Variants in AKIRIN1 observed in about 807,000 individuals in gnomAD.
The protein encoded by AKIRIN1 is akirin 1, also known as akirin-1.
Under a neutral mutation model 25.9 loss-of-function variants are expected in AKIRIN1, and 4 were observed. That is an observed-to-expected ratio of 0.15 (90% CI 0.08 to 0.35). The LOEUF is 0.35. AKIRIN1 is among the 10% of genes least tolerant of loss of function. The probability of loss-of-function intolerance (pLI) is 1.00; values close to 1 mark genes in which losing one functional copy is unlikely to be tolerated. For missense variants in AKIRIN1, 243 were observed against 266.1 expected (o/e 0.91, Z 0.61); for synonymous variants, 125 against 105.1 (o/e 1.19, Z -1.16).
In AKIRIN1 at chr1:39,005,016, A is replaced by G. The variant is rs1225183477; in HGVS notation, c.*961A>G. ...ACCTTTGTATTAGTTATTAAAAAATATAATTTGGGCTGGGCGCAGTGGCTC... is the reference window on the plus strand; with the variant it reads ...ACCTTTGTATTAGTTATTAAAAAATGTAATTTGGGCTGGGCGCAGTGGCTC... On this transcript the variant is annotated 3_prime_UTR_variant, in exon 5 of 5. Transcript: ENST00000432648. 6.6e-6 allele frequency: 1 copy of G among 152,348 alleles called. No homozygotes were observed. The highest frequency in any genetic ancestry group is 1.5e-5 in the Non-Finnish European group (1 of 68,146). 9.4% of individuals were successfully genotyped at this position (152,348 alleles called of 1,614,324 possible).
At position 39,005,285 on chromosome 1, in the gene AKIRIN1, G is replaced by A. The variant is rs1475527851; in HGVS notation, c.*1230G>A. Reference sequence around the variant, plus strand: ...ATCATGCCACTGCACTCCAGCCTGGGCAACAAAACGAGACTTCGTCTCAAA... The same window carrying A: ...ATCATGCCACTGCACTCCAGCCTGGACAACAAAACGAGACTTCGTCTCAAA... On this transcript the variant is annotated 3_prime_UTR_variant, in exon 5 of 5. Transcript: ENST00000432648. 1 of 143,650 alleles carries A rather than the reference G, an allele frequency of 7.0e-6. No homozygotes were observed. The highest frequency in any genetic ancestry group is 1.5e-5 in the Non-Finnish European group (1 of 66,194). 8.9% of individuals were successfully genotyped at this position (143,650 alleles called of 1,614,324 possible).
At chr1:38,992,447 T>C (rs1412232552) in intron 1 of AKIRIN1, among the ~76,000 whole-genome samples, 1 of 152,170 alleles carries the variant, frequency 6.6e-6, no homozygotes, top group Admixed American at 6.5e-5. Flanking sequence ...AATAATGGAT[T>C]TGGGCAAGTC....
chr1:38,991,513 C>A lies in AKIRIN1; in HGVS notation c.133C>A (p.Pro45Thr). The A allele has an allele frequency of 6.9e-7, 1 of 1,450,144 alleles. No individual in the cohort carries two copies. The highest frequency in any genetic ancestry group is 9.0e-7 in the Non-Finnish European group (1 of 1,105,588). The allele number at this position is 1,450,144 out of a possible 1,614,324, so 89.8% of individuals were successfully genotyped here. A position where few individuals can be genotyped will look rare whatever the true frequency, so the allele number is the denominator to read the frequency against. The part of the protein sequence containing the change: ...TPGLRPPDAE[P>T]PPPFQTQTPP... ...GGGCCTCAGGCCCCCGGACGCCGAGCCGCCGCCGCCGTTTCAGACGCAGAC... is the reference window on the plus strand; with the variant it reads ...GGGCCTCAGGCCCCCGGACGCCGAGACGCCGCCGCCGTTTCAGACGCAGAC... Residue 45 changes from proline to threonine, a missense_variant, in exon 1 of 5, where the codon CCG (proline) becomes ACG (threonine). Physicochemically the swap from Pro to Thr is conservative, Grantham distance 38. This residue lies in a region of AKIRIN1 where 190 missense variants were observed against 174.4 expected (regional missense o/e 1.09). Transcript: ENST00000432648.
intron 3 of AKIRIN1, among the ~76,000 whole-genome samples, chr1:39,002,092 C>T (rs1210064433): frequency 1.3e-5 from 2 of 152,150 alleles, no homozygotes; most frequent in Middle Eastern, 3.2e-3. Context: ...CCACATTAAA[C>T]CACAGTACTC....
Position 38,991,372 on chromosome 1 carries a change from C to T in AKIRIN1, c.-9C>T, listed in dbSNP as rs1643903592. On this transcript the variant is annotated 5_prime_UTR_variant, in exon 1 of 5. Coordinates refer to ENST00000432648, the MANE Select transcript of AKIRIN1 (RefSeq NM_024595.3). ...CGCGTCCGCTCCCGGTCCCTGGCCC[C>T]TCAGCGGCATGGCGTGCGGGGCGAC... 2 of 1,338,772 alleles carry T rather than the reference C, an allele frequency of 1.5e-6. No individual in the cohort carries two copies. The highest frequency in any genetic ancestry group is 9.5e-7 in the Non-Finnish European group (1 of 1,047,530). The allele number at this position is 1,338,772 out of a possible 1,614,324, so 82.9% of individuals were successfully genotyped here. A position where few individuals can be genotyped will look rare whatever the true frequency, so the allele number is the denominator to read the frequency against.
chr1:38,999,845 T>TTTTTG (rs1390699159), intron 2 of AKIRIN1, among the ~76,000 whole-genome samples: 1 of 151,420 alleles, frequency 6.6e-6, no homozygotes, highest in Non-Finnish European at 1.5e-5. Context: ...TGCCCATGTT[T>TTTTTG]TTTTGTTTTG....
intron 3 of AKIRIN1, 148 bp from the exon 4 acceptor site, chr1:39,003,199 G>C (rs1644007861): frequency 1.4e-6 from 1 of 730,158 alleles, no homozygotes; most frequent in African/African-American, 1.8e-5. Flanking sequence ...CTTTATATAA[G>C]GTCACTGGAC....
chr1:38,993,325 G>A (rs1643922966), intron 1 of AKIRIN1, among the ~76,000 whole-genome samples: 1 of 151,916 alleles, frequency 6.6e-6, no homozygotes, highest in Non-Finnish European at 1.5e-5. Context: ...ATGGTGGGTG[G>A]ATCAAGAGAC....
intron 3 of AKIRIN1, among the ~76,000 whole-genome samples, chr1:39,002,775 C>A (rs1453435076): frequency 6.6e-6 from 1 of 152,122 alleles, no homozygotes; most frequent in East Asian, 1.9e-4. Context: ...CTCTCCCACT[C>A]CCACCATAAT....
chr1:39,000,749 C>T (rs1458813520), intron 2 of AKIRIN1, among the ~76,000 whole-genome samples: 1 of 151,916 alleles, frequency 6.6e-6, no homozygotes, highest in Non-Finnish European at 1.5e-5. Flanking sequence ...CGCCACCTCT[C>T]GGGTTCAAGC....
chr1:38,995,800 A>G (rs987192895), intron 1 of AKIRIN1, among the ~76,000 whole-genome samples: 1 of 152,216 alleles, frequency 6.6e-6, no homozygotes, highest in Non-Finnish European at 1.5e-5. Context: ...TGGGAGGCCG[A>G]GGCGGGCGGA....
At position 39,005,303 on chromosome 1, in the gene AKIRIN1, G is replaced by A. The variant is rs544187602; in HGVS notation, c.*1248G>A. On this transcript the variant is annotated 3_prime_UTR_variant, in exon 5 of 5. Transcript: ENST00000432648. ...AGCCTGGGCAACAAAACGAGACTTCGTCTCAAAAAAAAAAAAAAAACATAG... is the reference window on the plus strand; with the variant it reads ...AGCCTGGGCAACAAAACGAGACTTCATCTCAAAAAAAAAAAAAAAACATAG... 8 of 117,170 alleles carry A rather than the reference G, an allele frequency of 6.8e-5. No individual in the cohort carries two copies. In the East Asian group the frequency reaches 1.2e-3, roughly 18 times the overall value. 7.3% of individuals were successfully genotyped at this position (117,170 alleles called of 1,614,324 possible).
Position 39,004,255 on chromosome 1 carries a change from T to A in AKIRIN1, c.*200T>A. On this transcript the variant is annotated 3_prime_UTR_variant, in exon 5 of 5. Transcript: ENST00000432648. Reference sequence around the variant, plus strand: ...CAAGCATATCTTTCTTTTCTGCTCATCCAATAAACAGCTGTGCCCTACTGT... The same window carrying A: ...CAAGCATATCTTTCTTTTCTGCTCAACCAATAAACAGCTGTGCCCTACTGT... 4.2e-6 allele frequency: 3 copies of A among 711,826 alleles called. No homozygotes were observed. The highest frequency in any genetic ancestry group is 5.5e-5 in the East Asian group (2 of 36,686). The allele number at this position is 711,826 out of a possible 1,614,324, so 44.1% of individuals were successfully genotyped here.
At chr1:38,995,595 C>T (rs1488233123) in intron 1 of AKIRIN1, among the ~76,000 whole-genome samples, 2 of 152,158 alleles carry the variant, frequency 1.3e-5, no homozygotes, top group Admixed American at 6.6e-5. Flanking sequence ...TGTATCTTTC[C>T]ATTTGTTAAC....
chr1:38,995,122 T>G (rs6662758), intron 1 of AKIRIN1, among the ~76,000 whole-genome samples: 3 of 151,962 alleles, frequency 2.0e-5, no homozygotes, highest in Non-Finnish European at 4.4e-5. Flanking sequence ...CCACTGCGCC[T>G]GGCTAGCTGA....
At chr1:38,996,266 T>C (rs1405478542) in intron 1 of AKIRIN1, among the ~76,000 whole-genome samples, 2 of 151,994 alleles carry the variant, frequency 1.3e-5, no homozygotes, top group African/African-American at 2.4e-5. Flanking sequence ...AGCTAATTTT[T>C]GTATTTTTAG....
rs893894449 is a variant in AKIRIN1 at position 38,991,288 on chromosome 1, A to G, written c.-93A>G. The G allele has an allele frequency of 1.6e-5, 19 of 1,160,440 alleles. No homozygotes were observed. The highest frequency in any genetic ancestry group is 8.5e-5 in the Admixed American group (2 of 23,450). The allele number at this position is 1,160,440 out of a possible 1,614,324, so 71.9% of individuals were successfully genotyped here. On this transcript the variant is annotated 5_prime_UTR_variant, in exon 1 of 5. Transcript: ENST00000432648. The stretch of plus-strand genomic sequence containing the variant: ...GCCGCTGCCGGGTGCTGGAGGCGCC[A>G]TTGGAGCCGGCTTGGCTGGCGAGCC...
rs1325945704 is a variant in AKIRIN1, at chr1:39,004,897, G to C, written c.*842G>C. ...GGGAAAAGGTCTACCCTGGAGCCAG[G>C]AGCATCAGGGTTGGCTTGGGAGCAT... On this transcript the variant is annotated 3_prime_UTR_variant, in exon 5 of 5. Transcript: ENST00000432648. 6.6e-6 allele frequency: 1 copy of C among 152,398 alleles called. No individual in the cohort carries two copies. Among genetic ancestry groups the C allele is most frequent in the Non-Finnish European group, 1.5e-5 (1 of 68,128 alleles). 9.4% of individuals were successfully genotyped at this position (152,398 alleles called of 1,614,324 possible). A position where few individuals can be genotyped will look rare whatever the true frequency, so the allele number is the denominator to read the frequency against.
intron 2 of AKIRIN1, 81 bp from the exon 3 acceptor site, chr1:39,000,891 C>T: frequency 1.4e-6 from 2 of 1,450,742 alleles, no homozygotes; most frequent in Non-Finnish European, 1.8e-6. Context: ...AGATGATCCG[C>T]CTGCCTTGGC....
Sources: allele counts gnomAD v4.1 joint callset (sites outside exome capture counted in the v4.1 genomes callset), GRCh38; gene constraint gnomAD v4.1.1; regional missense constraint gnomAD v4.1.1; transcripts MANE v1.5; gene names NCBI Gene and HGNC (gene_info 2026-07-23, HGNC 2026-07-21).